Variants in VPS13C observed in about 807,000 individuals in gnomAD.
The protein encoded by VPS13C is intermembrane lipid transfer protein VPS13C.
A neutral mutation model predicts 456.8 loss-of-function variants in VPS13C; 358 were observed. The observed-to-expected ratio is 0.78, with a 90% CI of 0.72 to 0.86. The LOEUF (loss-of-function observed/expected upper bound fraction) is 0.86, where lower values mean the gene tolerates loss of function less well. Ranked by LOEUF, VPS13C falls within the 40% of genes least tolerant of loss-of-function variation. VPS13C has a pLI of 0.00. For missense variants in VPS13C, 4,818 were observed against 4,385.4 expected, an observed-to-expected ratio of 1.10 and a Z score of -2.79; for synonymous variants, 1,578 against 1,486.7, an observed-to-expected ratio of 1.06 and a Z score of -1.41.
chr15:61,971,863 AATGTAGTATT>A (rs910714577), intron 27 of VPS13C, among the ~76,000 whole-genome samples: 8 of 152,214 alleles, frequency 5.3e-5, no homozygotes, highest in Non-Finnish European at 1.0e-4. Context: ...ACACAGTTAA[AATGTAGTATT>A]TCTGACATTA....
intron 81 of VPS13C, chr15:61,866,833 A>G (rs1353393516): frequency 2.1e-6 from 2 of 974,170 alleles, no homozygotes; most frequent in African/African-American, 1.8e-5. Flanking sequence ...CTTAAAATAC[A>G]TAATCCAACT....
intron 12 of VPS13C, among the ~76,000 whole-genome samples, chr15:62,010,891 T>A (rs1371296679): frequency 6.6e-6 from 1 of 152,204 alleles, no homozygotes; most frequent in Non-Finnish European, 1.5e-5. Context: ...ACAGTCTGCA[T>A]AAAATTAGAC....
Position 62,008,669 on chromosome 15 carries a change from G to A in VPS13C, c.1104C>T (p.Thr368=). ...RKYKPYLPLH[T]NGRRWWKYAI... Reference sequence around the variant, plus strand: ...TTCTAACTTACCATCGTCGACCATTGGTATGAAGTGGTAAATAAGGCTTGT... The same window carrying A: ...TTCTAACTTACCATCGTCGACCATTAGTATGAAGTGGTAAATAAGGCTTGT... Residue 368 remains threonine (T), a synonymous_variant, in exon 14 of 85, where the codon ACC becomes ACT. Transcript: ENST00000644861. 3 of 1,601,154 alleles carry A rather than the reference G, an allele frequency of 1.9e-6. No individual in the cohort carries two copies. Among genetic ancestry groups the A allele is most frequent in the Non-Finnish European group, 2.6e-6 (3 of 1,173,532 alleles).
At chr15:62,030,747 C>A (rs2047786906) in intron 5 of VPS13C, among the ~76,000 whole-genome samples, 1 of 152,024 alleles carries the variant, frequency 6.6e-6, no homozygotes, top group African/African-American at 2.4e-5. Context: ...AACTCCGTGA[C>A]TACCATAACA....
At position 61,920,483 on chromosome 15, in the gene VPS13C, A is replaced by G. The variant is rs781220240; in HGVS notation, c.7212+15T>C. On this transcript the variant is annotated intron_variant, in intron 56 of 84. Transcript: ENST00000644861. Reference sequence around the variant, plus strand: ...AAATTCCACTTGAAATATTCTAAGCAAGATTCAGACATACTTTTGCTAAAT... The same window carrying G: ...AAATTCCACTTGAAATATTCTAAGCGAGATTCAGACATACTTTTGCTAAAT... 3 of 1,515,730 alleles carry G rather than the reference A, an allele frequency of 2.0e-6. No individual in the cohort carries two copies. The South Asian group carries it at 4.0e-5, about 20-fold the overall frequency. The allele number at this position is 1,515,730 out of a possible 1,614,324, so 93.9% of individuals were successfully genotyped here. A position where few individuals can be genotyped will look rare whatever the true frequency, so the allele number is the denominator to read the frequency against.
At chr15:61,906,380 T>C (rs530026884) in intron 66 of VPS13C, among the ~76,000 whole-genome samples, 1 of 152,286 alleles carries the variant, frequency 6.6e-6, no homozygotes, top group South Asian at 2.1e-4. Flanking sequence ...TCCCTGACCA[T>C]GCTGTGAACA....
intron 9 of VPS13C, among the ~76,000 whole-genome samples, chr15:62,019,744 C>T (rs984804511): frequency 5.3e-5 from 8 of 151,940 alleles, no homozygotes; most frequent in African/African-American, 1.9e-4. Flanking sequence ...AGGTGTGGTG[C>T]TGAGAAGAAT....
At chr15:62,036,058 T>C (rs2047989643) in intron 3 of VPS13C, among the ~76,000 whole-genome samples, 1 of 152,066 alleles carries the variant, frequency 6.6e-6, no homozygotes, top group Admixed American at 6.6e-5. Context: ...TCTGCCTTAC[T>C]ACAGCAATTC....
chr15:61,931,361 C>T (rs1356649525), intron 49 of VPS13C, 102 bp from the exon 50 acceptor site: 6 of 1,220,342 alleles, frequency 4.9e-6, no homozygotes, highest in Non-Finnish European at 5.5e-6. Context: ...AAACTGATCT[C>T]ATGAATTTTA....
At chr15:62,050,593 T>C (rs1334918989) in intron 1 of VPS13C, among the ~76,000 whole-genome samples, 1 of 152,148 alleles carries the variant, frequency 6.6e-6, no homozygotes, top group Non-Finnish European at 1.5e-5. Flanking sequence ...AGCCCAGCAG[T>C]TGGAGACCAG....
rs769641230 is a variant in VPS13C at position 61,873,303 on chromosome 15, A to C, written c.10521T>G (p.Ser3507Arg). 4.3e-6 allele frequency: 7 copies of C among 1,613,424 alleles called. No homozygotes were observed. The African/African-American group carries it at 9.4e-5, about 22-fold the overall frequency. Residue 3507 changes from serine to arginine, a missense_variant, in exon 78 of 85, where the codon AGT becomes AGG. Ser to Arg is a moderately radical substitution (Grantham distance 110). This residue lies in a region of VPS13C where 4,552 missense variants were observed against 4,130.6 expected (regional missense o/e 1.10). Transcript: ENST00000644861. ...TGTCTCCAAAATCTCTGGGCTGTCGACTCAACTCTTCTCTTCTTTTTTGCT... is the reference window on the plus strand; with the variant it reads ...TGTCTCCAAAATCTCTGGGCTGTCGCCTCAACTCTTCTCTTCTTTTTTGCT... Reference protein sequence around the residue: ...EYQQKRREELSRQPRDFGDSL... With the variant: ...EYQQKRREELRRQPRDFGDSL...
chr15:61,926,475 A>C (rs111761160), intron 52 of VPS13C, among the ~76,000 whole-genome samples: 2 of 152,208 alleles, frequency 1.3e-5, no homozygotes, highest in African/African-American at 2.4e-5. Flanking sequence ...CCTGTCAAAG[A>C]ATATTTCATG....
chr15:61,883,493 G>A (rs186561086), intron 68 of VPS13C, among the ~76,000 whole-genome samples: 41 of 152,178 alleles, frequency 2.7e-4, no homozygotes, highest in Admixed American at 5.2e-4. Flanking sequence ...AAACCATCAG[G>A]CAACAATGAC....
chr15:61,996,888 CACACACACAT>C (rs1213467194), intron 16 of VPS13C, among the ~76,000 whole-genome samples: 1 of 149,878 alleles, frequency 6.7e-6, no homozygotes, highest in Non-Finnish European at 1.5e-5. Flanking sequence ...CACACACACA[CACACACACAT>C]ATATATATAT....
chr15:61,954,308 A>G, intron 38 of VPS13C, 113 bp downstream of exon 38: 1 of 1,148,830 alleles, frequency 8.7e-7, no homozygotes, highest in Non-Finnish European at 1.2e-6. Flanking sequence ...ACATGTGAAC[A>G]GCCCACATAG....
At chr15:62,002,682 G>C (rs1169921117) in intron 15 of VPS13C, among the ~76,000 whole-genome samples, 1 of 131,196 alleles carries the variant, frequency 7.6e-6, no homozygotes. Context: ...AATCCATCTT[G>C]AATTGATTTT....
At position 61,951,954 on chromosome 15, in the gene VPS13C, T is replaced by G. The variant is rs752674455; in HGVS notation, c.4326A>C (p.Ser1442=). The G allele has an allele frequency of 3.1e-6, 5 of 1,613,174 alleles. No homozygotes were observed. The highest frequency in any genetic ancestry group is 1.7e-5 in the Admixed American group (1 of 59,872). ...KEVVVTLMKK[S]EKKGRPLHEL... is the part of the protein sequence containing the mutation. Reference sequence around the variant, plus strand: ...CATGTAAAGGCCTTCCTTTCTTTTCTGATTTTTTCATCAAAGTAACCACAA... The same window carrying G: ...CATGTAAAGGCCTTCCTTTCTTTTCGGATTTTTTCATCAAAGTAACCACAA... Residue 1442 remains serine (S), a synonymous_variant, in exon 39 of 85, where the codon TCA becomes TCC. Transcript: ENST00000644861.
chr15:62,032,373 A>C (rs1336834896), intron 5 of VPS13C, among the ~76,000 whole-genome samples: 2 of 151,988 alleles, frequency 1.3e-5, no homozygotes, highest in East Asian at 3.9e-4. Flanking sequence ...AAGCTTCAGC[A>C]GGAAGACAAA....
chr15:61,880,971 A>T lies in VPS13C; in HGVS notation c.9777-17T>A, dbSNP rs748901017. The T allele has an allele frequency of 4.8e-5, 74 of 1,554,204 alleles. No homozygotes were observed. The highest frequency in any genetic ancestry group is 3.4e-4 in the East Asian group (15 of 44,274). ...ATAAAATACCTAAGAAAAAAAATTT[A>T]AAATGGAAAAGGATTTCTACCAAAT... On this transcript the variant is annotated splice_polypyrimidine_tract_variant and intron_variant, in intron 71 of 84. Transcript: ENST00000644861.
Sources: gnomAD v4.1 joint callset for allele counts (sites outside exome capture counted in the v4.1 genomes callset) on GRCh38, gnomAD v4.1.1 for gene constraint, gnomAD v4.1.1 regional missense constraint, MANE v1.5 for transcripts, NCBI Gene and HGNC (gene_info 2026-07-23, HGNC 2026-07-21) for gene names.